STRBP: variants seen among roughly 807,000 people sequenced by gnomAD.
STRBP encodes the protein spermatid perinuclear RNA binding protein.
A neutral mutation model predicts 80.1 loss-of-function variants in STRBP; 13 were observed. That is an observed-to-expected ratio of 0.16 (90% CI 0.11 to 0.26). The LOEUF (loss-of-function observed/expected upper bound fraction) is 0.26. Among genes scored for constraint, STRBP ranks in the 10% least tolerant of loss-of-function variants. STRBP has a pLI of 1.00. For missense variants in STRBP, 485 were observed against 815.2 expected (o/e 0.59, Z 4.93); for synonymous variants, 284 against 291.2 (o/e 0.98, Z 0.25).
At chr9:123,171,866 T>C (rs1179441509) in intron 5 of STRBP, among the ~76,000 whole-genome samples, 2 of 152,206 alleles carry the variant, frequency 1.3e-5, no homozygotes, top group East Asian at 3.8e-4. Context: ...AAATTTGAGA[T>C]GGTTTGTATA....
At chr9:123,189,617 T>G (rs2038845858) in intron 2 of STRBP, among the ~76,000 whole-genome samples, 1 of 151,962 alleles carries the variant, frequency 6.6e-6, no homozygotes. Flanking sequence ...AAACACTGCA[T>G]GTCCTCACTC....
chr9:123,243,550 A>G (rs2040741290), intron 1 of STRBP, among the ~76,000 whole-genome samples: 1 of 152,152 alleles, frequency 6.6e-6, no homozygotes, highest in East Asian at 1.9e-4. Flanking sequence ...GGAGAAAATA[A>G]TTACAAACCA....
intron 2 of STRBP, among the ~76,000 whole-genome samples, chr9:123,195,908 A>G (rs955284804): frequency 1.3e-5 from 2 of 152,234 alleles, no homozygotes; most frequent in African/African-American, 4.8e-5. Flanking sequence ...TCGTGAGTAA[A>G]AAGAACAAAA....
chr9:123,198,420 G>A (rs1401041107), intron 2 of STRBP, among the ~76,000 whole-genome samples: 36 of 152,108 alleles, frequency 2.4e-4, no homozygotes, highest in Admixed American at 2.4e-3. Flanking sequence ...TTACAGGTGT[G>A]AGCCACGGCG....
At chr9:123,127,941 A>T (rs2035962713) in intron 18 of STRBP, among the ~76,000 whole-genome samples, 1 of 152,186 alleles carries the variant, frequency 6.6e-6, no homozygotes, top group East Asian at 1.9e-4. Context: ...GTTGGCTGTA[A>T]GAAGAACTAC....
At chr9:123,187,012 T>C (rs2038725537) in intron 2 of STRBP, among the ~76,000 whole-genome samples, 1 of 152,112 alleles carries the variant, frequency 6.6e-6, no homozygotes, top group Non-Finnish European at 1.5e-5. Context: ...TACTAATTAG[T>C]AGATAACATG....
chr9:123,189,188 T>C (rs2038823221), intron 2 of STRBP, among the ~76,000 whole-genome samples: 1 of 151,398 alleles, frequency 6.6e-6, no homozygotes, highest in Admixed American at 6.6e-5. Flanking sequence ...AAACCATCAT[T>C]CTCAGCAAAC....
At chr9:123,248,261 G>GTTTTT (rs1223848724) in intron 1 of STRBP, among the ~76,000 whole-genome samples, 53 of 75,388 alleles carry the variant, frequency 7.0e-4, no homozygotes, top group South Asian at 1.0e-3. Context: ...CCCCTATCGT[G>GTTTTT]TTTTTTTTTT....
At position 123,125,005 on chromosome 9, in the gene STRBP, C is replaced by T. The variant is rs1234606390; in HGVS notation, c.*592G>A. Reference sequence around the variant, plus strand: ...TTTTCAATTCCTTGTAATTTGATACCAAAACATATCAAAAATAATAAGCTA... The same window carrying T: ...TTTTCAATTCCTTGTAATTTGATACTAAAACATATCAAAAATAATAAGCTA... On this transcript the variant is annotated 3_prime_UTR_variant, in exon 19 of 19. Transcript: ENST00000348403. 2 of 983,888 alleles carry T rather than the reference C, an allele frequency of 2.0e-6. No individual in the cohort carries two copies. The highest frequency in any genetic ancestry group is 2.4e-6 in the Non-Finnish European group (2 of 828,176). 60.9% of individuals were successfully genotyped at this position (983,888 alleles called of 1,614,324 possible).
chr9:123,161,278 G>A (rs2037512683), intron 6 of STRBP, among the ~76,000 whole-genome samples: 1 of 152,158 alleles, frequency 6.6e-6, no homozygotes, highest in Admixed American at 6.5e-5. Context: ...GAGTAGTTCT[G>A]TGCACAAATA....
At chr9:123,163,924 A>AT (rs1254455530) in intron 6 of STRBP, among the ~76,000 whole-genome samples, 1 of 152,220 alleles carries the variant, frequency 6.6e-6, no homozygotes, top group Non-Finnish European at 1.5e-5. Context: ...ACTGTGAGCC[A>AT]TTTCATTATC....
At chr9:123,176,367 A>C (rs1588047113) in intron 4 of STRBP, among the ~76,000 whole-genome samples, 1 of 152,226 alleles carries the variant, frequency 6.6e-6, no homozygotes, top group Non-Finnish European at 1.5e-5. Flanking sequence ...CAGGAAACTG[A>C]AGAATAGATG....
intron 1 of STRBP, among the ~76,000 whole-genome samples, chr9:123,238,496 A>C: frequency 6.6e-6 from 1 of 152,250 alleles, no homozygotes; most frequent in East Asian, 1.9e-4. Flanking sequence ...GCATAAAAGC[A>C]GCATGACCTA....
chr9:123,185,248 C>T (rs1387401688), intron 2 of STRBP, among the ~76,000 whole-genome samples: 1 of 151,988 alleles, frequency 6.6e-6, no homozygotes, highest in African/African-American at 2.4e-5. Context: ...AAGGAAACAC[C>T]CTATTGTCAG....
chr9:123,248,115 A>T (rs1284966060), intron 1 of STRBP, among the ~76,000 whole-genome samples: 1 of 152,180 alleles, frequency 6.6e-6, no homozygotes, highest in Non-Finnish European at 1.5e-5. Flanking sequence ...CCTCCAAAGC[A>T]AGGTATCTGA....
At chr9:123,184,102 T>A (rs367995023) in intron 3 of STRBP, 30 bp downstream of exon 3, 1 of 1,595,374 alleles carries the variant, frequency 6.3e-7, no homozygotes, top group African/African-American at 1.3e-5. Context: ...CTTTTGTAAC[T>A]AAATTATGAA....
chr9:123,197,412 TG>T (rs2039133465), intron 2 of STRBP, among the ~76,000 whole-genome samples: 2 of 152,204 alleles, frequency 1.3e-5, no homozygotes, highest in African/African-American at 4.8e-5. Context: ...AAATATAAAA[TG>T]GTAAATTCTG....
At chr9:123,119,744 G>T (rs369464728), downstream of STRBP, among the ~76,000 whole-genome samples, 99 of 152,194 alleles carry the variant, frequency 6.5e-4, no homozygotes, top group Middle Eastern at 0.014. Flanking sequence ...CACTGAGTAC[G>T]TACTCTGCAC....
In STRBP at chr9:123,268,566, C is replaced by A. The variant is rs1188795054; in HGVS notation, c.-432G>T. ...CGGCGGCTGCTGCCCTGGTGGCGCT[C>A]GCGGCTCCGGTCTCCGCTTCGGCGG... On this transcript the variant is annotated 5_prime_UTR_variant, in exon 1 of 19. Coordinates refer to ENST00000348403, the MANE Select transcript of STRBP (RefSeq NM_018387.5). The A allele has an allele frequency of 5.9e-6, 1 of 168,238 alleles. No individual in the cohort carries two copies. The highest frequency in any genetic ancestry group is 2.4e-5 in the African/African-American group (1 of 41,348). The allele number at this position is 168,238 out of a possible 1,614,324, so 10.4% of individuals were successfully genotyped here. A position where few individuals can be genotyped will look rare whatever the true frequency, so the allele number is the denominator to read the frequency against.
Sources: allele counts gnomAD v4.1 joint callset (sites outside exome capture counted in the v4.1 genomes callset), GRCh38; gene constraint gnomAD v4.1.1; transcripts MANE v1.5; gene names NCBI Gene and HGNC (gene_info 2026-07-23, HGNC 2026-07-21).